TBX22: variants seen among roughly 807,000 people sequenced by gnomAD.
TBX22 encodes the protein T-box transcription factor TBX22.
TBX22 carries 8 observed loss-of-function variants against 30.1 expected under a neutral mutation model. That is an observed-to-expected ratio of 0.27 (90% CI 0.16 to 0.48). The LOEUF is 0.48. TBX22 is among the 20% of genes least tolerant of loss of function. The pLI, the probability that TBX22 is intolerant of heterozygous loss-of-function variation, is 0.99. For synonymous variants in TBX22, 173 were observed against 149.1 expected (o/e 1.16, Z -1.17); for missense variants, 463 against 400.5 (o/e 1.16, Z -1.33).
intron 5 of TBX22, 77 bp from the exon 6 acceptor site, chrX:80,026,627 G>A: frequency 9.8e-7 from 1 of 1,015,767 alleles, no homozygotes; most frequent in South Asian, 1.9e-5. Flanking sequence ...TGCACATGGT[G>A]GAGGTGGTCA....
In TBX22 at chrX:80,018,133, A is replaced by G. The variant is rs140691580; in HGVS notation, c.-3+3246A>G. The stretch of plus-strand genomic sequence containing the variant: ...CAGTCTTCTTGAGAGATTATATTGA[A>G]TTAAGCTAACCAGAAGTTGAGGGAT... On this transcript the variant is annotated intron_variant, in intron 1 of 8. Coordinates refer to ENST00000373296, the MANE Select transcript of TBX22 (RefSeq NM_001109878.2). Among the ~76,000 whole-genome samples, 113 of 112,277 alleles carry G rather than the reference A, an allele frequency of 1.0e-3. 1 individual carries two copies. In the East Asian group the frequency reaches 0.017, roughly 17 times the overall value.
At chrX:80,022,493 G>C in intron 2 of TBX22, 49 bp downstream of exon 2, 1 of 1,125,656 alleles carries the variant, frequency 8.9e-7, no homozygotes, top group Non-Finnish European at 1.2e-6. Context: ...TACTGGTTCC[G>C]CATCTCTCCG....
At chrX:80,027,392 T>C in intron 7 of TBX22, 72 bp downstream of exon 7, 1 of 569,928 alleles carries the variant, frequency 1.8e-6, no homozygotes, top group South Asian at 2.8e-5. Flanking sequence ...TTTTTTTTTT[T>C]TCCTGAGATG....
intron 3 of TBX22, among the ~76,000 whole-genome samples, chrX:80,023,742 T>C (rs1923833258): frequency 8.9e-6 from 1 of 111,794 alleles, no homozygotes; most frequent in African/African-American, 3.3e-5. Context: ...TCACAGAAAG[T>C]ACCCTTGAAA....
chrX:80,021,794 C>T (rs1397113181), intron 1 of TBX22, among the ~76,000 whole-genome samples: 4 of 111,906 alleles, frequency 3.6e-5, no homozygotes, highest in Non-Finnish European at 5.6e-5. Flanking sequence ...ACAGTAACTC[C>T]CAATCCGAGC....
In TBX22 at chrX:80,016,672, A is replaced by G. The variant is rs193248217; in HGVS notation, c.-3+1785A>G. 1.2e-4 allele frequency among the ~76,000 whole-genome samples: 13 copies of G among 111,299 alleles called. No individual in the cohort carries two copies. In the East Asian group the frequency reaches 3.1e-3, roughly 27 times the overall value. On this transcript the variant is annotated intron_variant, in intron 1 of 8. Transcript: ENST00000373296. Reference sequence around the variant, plus strand: ...TTTCTTTGAGGCTGATGCATATAGCATATTTGGAGGTAACTCTGACTCTCA... The same window carrying G: ...TTTCTTTGAGGCTGATGCATATAGCGTATTTGGAGGTAACTCTGACTCTCA...
At chrX:80,028,952 T>C (rs1031072921) in intron 8 of TBX22, among the ~76,000 whole-genome samples, 2 of 75,358 alleles carry the variant, frequency 2.7e-5, no homozygotes, top group Non-Finnish European at 4.4e-5. Flanking sequence ...GTTTAGGGAA[T>C]TGCATGAAAA....
At chrX:80,026,622 A>G (rs865962590) in intron 5 of TBX22, 82 bp from the exon 6 acceptor site, 5 of 1,000,496 alleles carry the variant, frequency 5.0e-6, no homozygotes, top group Non-Finnish European at 7.1e-6. Flanking sequence ...TTGTGTGCAC[A>G]TGGTGGAGGT....
intron 2 of TBX22, 126 bp downstream of exon 2, chrX:80,022,570 T>C (rs1248695182): frequency 1.4e-6 from 1 of 693,834 alleles, no homozygotes; most frequent in Non-Finnish European, 2.2e-6. Flanking sequence ...GACCACCTGG[T>C]GAAGGGGAAG....
chrX:80,024,460 C>A (rs1049715993), intron 4 of TBX22, among the ~76,000 whole-genome samples: 1 of 111,443 alleles, frequency 9.0e-6, no homozygotes, highest in African/African-American at 3.3e-5. Flanking sequence ...ACTGCTCTGG[C>A]CTTGGTTGTG....
At position 80,027,994 on chromosome X, in the gene TBX22, T is replaced by C. The variant is rs1483849425; in HGVS notation, c.867T>C (p.Gly289=). 2.5e-6 allele frequency: 3 copies of C among 1,202,663 alleles called. No individual in the cohort carries two copies. The highest frequency in any genetic ancestry group is 1.1e-6 in the Non-Finnish European group (1 of 887,373). Residue 289 remains glycine (G), a synonymous_variant, in exon 8 of 9, where the codon GGT becomes GGC. Coordinates refer to ENST00000373296, the MANE Select transcript of TBX22 (RefSeq NM_001109878.2). ...GAAAGTTGACTCTCTTTTTTAGGGG[T>C]GTATTGGATGGGCTTTTAGAGACCT... The part of the protein sequence containing the change: ...KGFRDTGRNR[G]VLDGLLETYP...
chrX:80,030,193 G>T (rs1924177974), intron 8 of TBX22, among the ~76,000 whole-genome samples: 1 of 111,986 alleles, frequency 8.9e-6, no homozygotes, highest in Admixed American at 9.5e-5. Flanking sequence ...AGGAGGCAGA[G>T]CTCAGGCAAT....
chrX:80,031,037 G>A lies in TBX22; in HGVS notation c.1489G>A (p.Asp497Asn), dbSNP rs761750322. The part of the protein sequence containing the change: ...SGSNHLKVND[D>N]SQVSFGEGKC... ...TTCCAACCATCTTAAAGTGAATGAC[G>A]ACAGTCAAGTTTCTTTTGGAGAAGG... Residue 497 changes from aspartate (D) to asparagine (N), a missense_variant, in exon 9 of 9, where the codon GAC (aspartate) becomes AAC (asparagine). Physicochemically the swap from Asp to Asn is conservative, Grantham distance 23. Transcript: ENST00000373296. The A allele has an allele frequency of 1.3e-5, 16 of 1,210,323 alleles. No individual in the cohort carries two copies. The East Asian group carries it at 1.8e-4, about 13-fold the overall frequency.
Position 80,025,744 on chromosome X carries a change from A to G in TBX22, c.600A>G (p.Lys200=). ...AGATCATCAGCTTTGATCGCATGAA[A>G]CTCACCAACAATGAGATGGATGACA... ...MRQIISFDRM[K]LTNNEMDDKG... The change falls in exon 5 of 9, where the codon AAA becomes AAG. Residue 200 remains lysine, a synonymous_variant. Transcript: ENST00000373296. 8.3e-7 allele frequency: 1 copy of G among 1,209,757 alleles called. No homozygotes were observed. Among genetic ancestry groups the G allele is most frequent in the South Asian group, 1.8e-5 (1 of 56,624 alleles).
chrX:80,018,001 G>A lies in TBX22; in HGVS notation c.-3+3114G>A, dbSNP rs766973084. Among the ~76,000 whole-genome samples the A allele has an allele frequency of 4.5e-5, 5 of 111,818 alleles. No homozygotes were observed. The South Asian group carries it at 1.1e-3, about 25-fold the overall frequency. On this transcript the variant is annotated intron_variant, in intron 1 of 8. Transcript: ENST00000373296. ...ATCCTCCCCATGAGAAGAACACAGCGAACACAGATAAGAATTTGTATCTCT... is the reference window on the plus strand; with the variant it reads ...ATCCTCCCCATGAGAAGAACACAGCAAACACAGATAAGAATTTGTATCTCT...
chrX:80,025,677 T>A lies in TBX22; in HGVS notation c.533T>A (p.Val178Asp). Residue 178 changes from valine (V) to aspartate (D), a missense_variant, in exon 5 of 9, where the codon GTT (valine) becomes GAT (aspartate). Val to Asp is a radical substitution (Grantham distance 152, BLOSUM62 -3). Transcript: ENST00000373296. The stretch of plus-strand genomic sequence containing the variant: ...TTGTGCATCATTCCTAGATTCTATG[T>A]TCACCCGGACTCACCCTGCTCGGGA... ...DHLCIIPRFY[V>D]HPDSPCSGET... 8.3e-7 allele frequency: 1 copy of A among 1,209,501 alleles called. No homozygotes were observed. Among genetic ancestry groups the A allele is most frequent in the Non-Finnish European group, 1.1e-6 (1 of 893,403 alleles).
Position 80,024,178 on chromosome X carries a change from T to C in TBX22, c.458+14T>C. ...CAAACGCTATAGGTAATGGGCCCCA[T>C]AGAATGGTACTCTATGCCCAGGCTA... On this transcript the variant is annotated intron_variant, in intron 4 of 8. Coordinates refer to ENST00000373296, the MANE Select transcript of TBX22 (RefSeq NM_001109878.2). 1 of 1,186,369 alleles carries C rather than the reference T, an allele frequency of 8.4e-7. No individual in the cohort carries two copies. Among genetic ancestry groups the C allele is most frequent in the Non-Finnish European group, 1.1e-6 (1 of 873,070 alleles).
intron 8 of TBX22, among the ~76,000 whole-genome samples, chrX:80,029,116 A>T (rs1242817842): frequency 8.9e-6 from 1 of 112,350 alleles, no homozygotes; most frequent in Admixed American, 9.5e-5. Context: ...TTAATTATTT[A>T]ACATATCCAA....
chrX:80,015,349 G>T (rs1351608184), intron 1 of TBX22, among the ~76,000 whole-genome samples: 2 of 112,075 alleles, frequency 1.8e-5, no homozygotes, highest in African/African-American at 6.5e-5. Flanking sequence ...ACTGAGCTGA[G>T]TGGCAGGTGT....
Sources: allele counts gnomAD v4.1 joint callset (sites outside exome capture counted in the v4.1 genomes callset), GRCh38; gene constraint gnomAD v4.1.1; transcripts MANE v1.5; gene names NCBI Gene and HGNC (gene_info 2026-07-23, HGNC 2026-07-21).